Variants in MOB3B observed in about 807,000 individuals in gnomAD.
MOB3B encodes MOB kinase activator-like 2B.
MOB3B carries 7 observed loss-of-function variants against 18.7 expected under a neutral mutation model. That is an observed-to-expected ratio of 0.37 (90% CI 0.21 to 0.70). The LOEUF (loss-of-function observed/expected upper bound fraction) is 0.70. Ranked by LOEUF, MOB3B falls within the 30% of genes least tolerant of loss-of-function variation. The pLI, the probability that MOB3B is intolerant of heterozygous loss-of-function variation, is 0.52. For missense variants in MOB3B, 253 were observed against 281.3 expected (o/e 0.90, Z 0.72); for synonymous variants, 111 against 99.9 (o/e 1.11, Z -0.66).
At chr9:27,492,753 C>G (rs1430240969) in intron 1 of MOB3B, among the ~76,000 whole-genome samples, 1 of 152,150 alleles carries the variant, frequency 6.6e-6, no homozygotes, top group Non-Finnish European at 1.5e-5. Context: ...TAAAAAGAAA[C>G]TAAGTATGAA....
intron 1 of MOB3B, among the ~76,000 whole-genome samples, chr9:27,523,501 A>G (rs1820374336): frequency 6.6e-6 from 1 of 152,116 alleles, no homozygotes; most frequent in South Asian, 2.1e-4. Flanking sequence ...AGAAAATGAT[A>G]CTACAAGAGA....
At chr9:27,392,854 C>A (rs886147267) in intron 2 of MOB3B, among the ~76,000 whole-genome samples, 5 of 152,118 alleles carry the variant, frequency 3.3e-5, no homozygotes, top group Admixed American at 6.6e-5. Context: ...CTATTAATGA[C>A]CTTACATGGA....
chr9:27,430,687 AAGG>A (rs1459016604), intron 2 of MOB3B, among the ~76,000 whole-genome samples: 3 of 152,224 alleles, frequency 2.0e-5, no homozygotes, highest in Non-Finnish European at 2.9e-5. Context: ...GCGGAATTCA[AAGG>A]AGATGAAAAA....
intron 2 of MOB3B, among the ~76,000 whole-genome samples, chr9:27,393,357 T>C (rs1218234722): frequency 6.6e-6 from 1 of 151,110 alleles, no homozygotes; most frequent in African/African-American, 2.4e-5. Flanking sequence ...TGATTATTTA[T>C]ATAGGGTGCA....
intron 2 of MOB3B, among the ~76,000 whole-genome samples, chr9:27,386,371 G>C (rs1236136449): frequency 3.3e-5 from 5 of 152,164 alleles, no homozygotes; most frequent in African/African-American, 1.2e-4. Flanking sequence ...CAAAGCCAAA[G>C]GAAATGTTCA....
intron 1 of MOB3B, among the ~76,000 whole-genome samples, chr9:27,464,549 A>G (rs1819347430): frequency 6.6e-6 from 1 of 152,202 alleles, no homozygotes; most frequent in Admixed American, 6.5e-5. Flanking sequence ...TCTACATTTA[A>G]CACATTACAT....
At chr9:27,382,902 A>G (rs1821599322) in intron 2 of MOB3B, among the ~76,000 whole-genome samples, 1 of 152,156 alleles carries the variant, frequency 6.6e-6, no homozygotes, top group Non-Finnish European at 1.5e-5. Flanking sequence ...ACTTAGTGCT[A>G]TGCGGTCTTT....
At chr9:27,370,828 A>T (rs1457952601) in intron 2 of MOB3B, among the ~76,000 whole-genome samples, 2 of 152,102 alleles carry the variant, frequency 1.3e-5, no homozygotes, top group Admixed American at 6.5e-5. Flanking sequence ...GGTTCCCCTT[A>T]CTTTTCCCAA....
At chr9:27,346,165 G>T (rs1471323423) in intron 3 of MOB3B, among the ~76,000 whole-genome samples, 2 of 152,146 alleles carry the variant, frequency 1.3e-5, no homozygotes, top group Admixed American at 6.5e-5. Flanking sequence ...CAGTGAGAAG[G>T]CACCATCTTT....
At chr9:27,449,210 A>G (rs138633347) in intron 2 of MOB3B, among the ~76,000 whole-genome samples, 1 of 152,362 alleles carries the variant, frequency 6.6e-6, no homozygotes, top group East Asian at 1.9e-4. Context: ...TCACAGAGTG[A>G]TTCAGCAATG....
chr9:27,492,478 C>T (rs189698977), intron 1 of MOB3B, among the ~76,000 whole-genome samples: 40 of 152,282 alleles, frequency 2.6e-4, no homozygotes, highest in Non-Finnish European at 3.4e-4. Context: ...AGTCTGCCAG[C>T]GAAATGCTGC....
chr9:27,421,412 G>A (rs1256878768), intron 2 of MOB3B: 1 of 152,322 alleles, frequency 6.6e-6, no homozygotes, highest in African/African-American at 2.4e-5. Context: ...CCATTTTATA[G>A]GCAAAGAATT....
chr9:27,342,068 A>G (rs942794411), intron 3 of MOB3B, among the ~76,000 whole-genome samples: 6 of 152,240 alleles, frequency 3.9e-5, no homozygotes, highest in African/African-American at 1.2e-4. Context: ...AGTAAGCCAC[A>G]CCCATTTATG....
intron 2 of MOB3B, among the ~76,000 whole-genome samples, chr9:27,450,086 T>C (rs1228887624): frequency 6.6e-6 from 1 of 152,192 alleles, no homozygotes; most frequent in Non-Finnish European, 1.5e-5. Context: ...GACTTGTTTT[T>C]ATATTTTCAG....
chr9:27,370,580 T>C (rs772017963), intron 2 of MOB3B, among the ~76,000 whole-genome samples: 1 of 152,022 alleles, frequency 6.6e-6, no homozygotes, highest in African/African-American at 2.4e-5. Flanking sequence ...AACTGCCATC[T>C]GTGAAACAGG....
At chr9:27,386,001 G>A (rs1031653387) in intron 2 of MOB3B, among the ~76,000 whole-genome samples, 3 of 152,226 alleles carry the variant, frequency 2.0e-5, no homozygotes, top group African/African-American at 7.2e-5. Flanking sequence ...AACCTGCTGA[G>A]CACTGGACAC....
At chr9:27,404,919 G>C (rs1175090636) in intron 2 of MOB3B, among the ~76,000 whole-genome samples, 1 of 151,916 alleles carries the variant, frequency 6.6e-6, no homozygotes, top group Non-Finnish European at 1.5e-5. Context: ...ATCCTCACCA[G>C]CCTTAATTAT....
chr9:27,383,684 G>A (rs1587171131), intron 2 of MOB3B, among the ~76,000 whole-genome samples: 1 of 152,310 alleles, frequency 6.6e-6, no homozygotes, highest in Middle Eastern at 3.4e-3. Context: ...TGTGAACCCA[G>A]TAGGCTGGTG....
In MOB3B at chr9:27,359,376, T is replaced by TGG. The variant is rs1192393009; in HGVS notation, c.419-141_419-140insCC. 4.0e-4 allele frequency: 104 copies of TGG among 260,214 alleles called. 1 individual carries two copies. Among genetic ancestry groups the TGG allele is most frequent in the Non-Finnish European group, 4.6e-4 (61 of 132,878 alleles). 16.1% of individuals were successfully genotyped at this position (260,214 alleles called of 1,614,324 possible). A position where few individuals can be genotyped will look rare whatever the true frequency, so the allele number is the denominator to read the frequency against. The stretch of plus-strand genomic sequence containing the variant: ...ACAGGAGTCATAGGGAGTGTGTGTG[T>TGG]GTGGGGGGGGGGGGTTGGTAGCAAA... On this transcript the variant is annotated intron_variant, in intron 2 of 3. Transcript: ENST00000262244.
Sources: gnomAD v4.1 joint callset for allele counts (sites outside exome capture counted in the v4.1 genomes callset) on GRCh38, gnomAD v4.1.1 for gene constraint, MANE v1.5 for transcripts, NCBI Gene and HGNC (gene_info 2026-07-23, HGNC 2026-07-21) for gene names.